WWOX: variants seen among roughly 807,000 people sequenced by gnomAD.
WWOX encodes the protein WW domain containing oxidoreductase.
WWOX carries 69 observed loss-of-function variants against 46.2 expected under a neutral mutation model. The ratio of observed to expected loss-of-function variants is 1.49; its 90% CI spans 1.23 to 1.82. WWOX has a LOEUF of 1.82. WWOX is among the 40% of genes most tolerant of loss of function. WWOX has a pLI of 0.00. For missense variants in WWOX, 919 were observed against 542.6 expected, an observed-to-expected ratio of 1.69 and a Z score of -6.89; for synonymous variants, 359 against 202.6, an observed-to-expected ratio of 1.77 and a Z score of -6.56.
At chr16:78,463,042 T>A (rs1320916859) in intron 8 of WWOX, among the ~76,000 whole-genome samples, 1 of 152,200 alleles carries the variant, frequency 6.6e-6, no homozygotes, top group South Asian at 2.1e-4. Context: ...GGCTCATTGA[T>A]CTTTTGTTTT....
intron 8 of WWOX, among the ~76,000 whole-genome samples, chr16:79,009,054 G>A (rs12103272): frequency 0.11 from 17,196 of 152,228 alleles, 2,581 homozygotes; most frequent in African/African-American, 0.35. Flanking sequence ...AACAAGCCTT[G>A]TATTATTTAG....
At chr16:78,118,722 C>T (rs549094903) in intron 4 of WWOX, among the ~76,000 whole-genome samples, 1 of 152,142 alleles carries the variant, frequency 6.6e-6, no homozygotes, top group Non-Finnish European at 1.5e-5. Context: ...ATGTTAGATA[C>T]TCCAGTTCAT....
At chr16:78,901,306 A>T (rs1256752145) in intron 8 of WWOX, among the ~76,000 whole-genome samples, 1 of 152,214 alleles carries the variant, frequency 6.6e-6, no homozygotes, top group Non-Finnish European at 1.5e-5. Context: ...TGAAAATAAG[A>T]CTATGTCATG....
At chr16:78,817,173 T>TTA in intron 8 of WWOX, among the ~76,000 whole-genome samples, 2 of 32,926 alleles carry the variant, frequency 6.1e-5, no homozygotes, top group African/African-American at 1.4e-4. Flanking sequence ...AGTGCTATTC[T>TTA]TTTTTTTTTT....
chr16:79,029,921 G>A (rs1390329075), intron 8 of WWOX, among the ~76,000 whole-genome samples: 1 of 152,110 alleles, frequency 6.6e-6, no homozygotes, highest in African/African-American at 2.4e-5. Flanking sequence ...TCACTTTACT[G>A]GTATAATAGG....
At position 78,720,456 on chromosome 16, in the gene WWOX, A is replaced by G. The variant is rs73579420; in HGVS notation, c.1056+287704A>G. Reference sequence around the variant, plus strand: ...TATATTTTGAAATTCCCAATTTGCAATGTTATTTTTTTTTCTTCTTTTTTT... The same window carrying G: ...TATATTTTGAAATTCCCAATTTGCAGTGTTATTTTTTTTTCTTCTTTTTTT... On this transcript the variant is annotated intron_variant, in intron 8 of 8. Transcript: ENST00000566780. Among the ~76,000 whole-genome samples, 344 of 142,628 alleles carry G rather than the reference A, an allele frequency of 2.4e-3. 1 individual carries two copies. The highest frequency in any genetic ancestry group is 8.6e-3 in the African/African-American group (324 of 37,602). The allele number at this position is 142,628 out of a possible 152,430, so 93.6% of individuals were successfully genotyped here.
At chr16:78,143,965 T>A (rs2034078103) in intron 4 of WWOX, among the ~76,000 whole-genome samples, 1 of 152,150 alleles carries the variant, frequency 6.6e-6, no homozygotes, top group South Asian at 2.1e-4. Flanking sequence ...TTTTGAAGCA[T>A]AATTTACATG....
intron 8 of WWOX, among the ~76,000 whole-genome samples, chr16:78,997,731 A>G (rs1441084604): frequency 6.6e-6 from 1 of 152,096 alleles, no homozygotes; most frequent in Non-Finnish European, 1.5e-5. Context: ...CCCTAGAAGG[A>G]AATATTCAAG....
chr16:78,794,927 A>G (rs1258568402), intron 8 of WWOX, among the ~76,000 whole-genome samples: 4 of 152,242 alleles, frequency 2.6e-5, no homozygotes, highest in African/African-American at 9.6e-5. Context: ...TGCCTGGCAT[A>G]CTGCAAATAT....
intron 8 of WWOX, among the ~76,000 whole-genome samples, chr16:79,051,056 G>T (rs2048157455): frequency 6.6e-6 from 1 of 152,228 alleles, no homozygotes; most frequent in African/African-American, 2.4e-5. Context: ...TCCCAAGGAA[G>T]CTGTAGCCAT....
chr16:79,078,738 C>G (rs1393501929), intron 8 of WWOX, among the ~76,000 whole-genome samples: 1 of 152,164 alleles, frequency 6.6e-6, no homozygotes, highest in African/African-American at 2.4e-5. Context: ...TTGGACTCAA[C>G]CATGATGATT....
At chr16:79,177,360 T>C (rs936155319) in intron 8 of WWOX, among the ~76,000 whole-genome samples, 1 of 130,226 alleles carries the variant, frequency 7.7e-6, no homozygotes, top group African/African-American at 3.0e-5. Flanking sequence ...TTGTCATTTA[T>C]TTCCCTTTTT....
intron 8 of WWOX, among the ~76,000 whole-genome samples, chr16:78,860,211 G>T (rs2052683554): frequency 6.6e-6 from 1 of 152,148 alleles, no homozygotes; most frequent in African/African-American, 2.4e-5. Flanking sequence ...TACTTATACT[G>T]TGCTATTATT....
intron 8 of WWOX, among the ~76,000 whole-genome samples, chr16:78,967,423 A>G (rs2046382908): frequency 6.9e-6 from 1 of 144,712 alleles, no homozygotes; most frequent in African/African-American, 2.6e-5. Flanking sequence ...TGCTGGGACC[A>G]CAAGTATGCA....
chr16:78,725,432 C>G lies in WWOX; in HGVS notation c.1056+292680C>G, dbSNP rs556816083. The stretch of plus-strand genomic sequence containing the variant: ...GTGCAATCTGGGCTCCCTGCAAACT[C>G]CACTTCCCGGATTTAAGCGATTCTC... On this transcript the variant is annotated intron_variant, in intron 8 of 8. Coordinates refer to ENST00000566780, the MANE Select transcript of WWOX (RefSeq NM_016373.4). 6.3e-4 allele frequency among the ~76,000 whole-genome samples: 90 copies of G among 143,280 alleles called. 2 individuals are homozygous for G. Among genetic ancestry groups the G allele is most frequent in the Non-Finnish European group, 3.9e-4 (26 of 66,696 alleles). 94.0% of individuals were successfully genotyped at this position (143,280 alleles called of 152,430 possible). A position where few individuals can be genotyped will look rare whatever the true frequency, so the allele number is the denominator to read the frequency against.
intron 8 of WWOX, among the ~76,000 whole-genome samples, chr16:79,113,887 G>T (rs769487921): frequency 6.6e-6 from 1 of 152,234 alleles, no homozygotes; most frequent in African/African-American, 2.4e-5. Flanking sequence ...GGGTCTCTCA[G>T]TGTGTGGAAG....
At chr16:78,795,908 A>G (rs1371594919) in intron 8 of WWOX, among the ~76,000 whole-genome samples, 2 of 152,198 alleles carry the variant, frequency 1.3e-5, no homozygotes, top group Non-Finnish European at 2.9e-5. Flanking sequence ...ACAAAAGTAT[A>G]AGGTTTAAGT....
chr16:79,036,599 C>T (rs1374863060), intron 8 of WWOX, among the ~76,000 whole-genome samples: 3 of 152,166 alleles, frequency 2.0e-5, no homozygotes, highest in Non-Finnish European at 4.4e-5. Context: ...AATGATCTGT[C>T]CTTCTATGAA....
chr16:78,211,192 C>G (rs147702034), intron 5 of WWOX, among the ~76,000 whole-genome samples: 4 of 152,238 alleles, frequency 2.6e-5, no homozygotes, highest in Admixed American at 1.3e-4. Flanking sequence ...GTTTAATTCC[C>G]ACGCTGCCAA....
Sources: allele counts gnomAD v4.1 joint callset (sites outside exome capture counted in the v4.1 genomes callset), GRCh38; gene constraint gnomAD v4.1.1; transcripts MANE v1.5; gene names NCBI Gene and HGNC (gene_info 2026-07-23, HGNC 2026-07-21).